ASPM: variants seen among roughly 807,000 people sequenced by gnomAD.
The protein encoded by ASPM is abnormal spindle-like microcephaly-associated protein.
A neutral mutation model predicts 366.4 loss-of-function variants in ASPM; 256 were observed. The ratio of observed to expected loss-of-function variants is 0.70; its 90% CI spans 0.63 to 0.77. The LOEUF is 0.77. Among genes scored for constraint, ASPM ranks in the 30% least tolerant of loss-of-function variants. ASPM has a pLI of 0.00. For missense variants in ASPM, 4,146 were observed against 4,090.4 expected (o/e 1.01, Z -0.37); for synonymous variants, 1,414 against 1,342.9 (o/e 1.05, Z -1.16).
intron 27 of ASPM, among the ~76,000 whole-genome samples, chr1:197,085,782 G>A (rs953227103): frequency 3.3e-5 from 5 of 152,076 alleles, no homozygotes; most frequent in African/African-American, 1.2e-4. Flanking sequence ...GGGGCATAAG[G>A]AAACTTTGTG....
rs1237556437 is a variant in ASPM at position 197,102,775 on chromosome 1, T to C, written c.6476A>G (p.Gln2159Arg). 6.2e-7 allele frequency: 1 copy of C among 1,612,474 alleles called. No individual in the cohort carries two copies. The highest frequency in any genetic ancestry group is 8.5e-7 in the Non-Finnish European group (1 of 1,179,234). ...RCRAYYQGKMQREKYLTILKA... is the reference protein window; with the variant it reads ...RCRAYYQGKMRREKYLTILKA... ...CAAAATTGTCAGGTACTTTTCACGC[T>C]GCATTTTACCTTGATAATATGCTCT... Residue 2159 changes from glutamine (Q) to arginine (R), a missense_variant, in exon 18 of 28, where the codon CAG (glutamine) becomes CGG (arginine). Gln to Arg is a conservative substitution (Grantham distance 43). This residue lies in a region of ASPM where 3,624 missense variants were observed against 3,591.7 expected (regional missense o/e 1.01). Transcript: ENST00000367409.
intron 19 of ASPM, among the ~76,000 whole-genome samples, chr1:197,095,595 G>T (rs1259309901): frequency 6.6e-6 from 1 of 151,582 alleles, no homozygotes; most frequent in Non-Finnish European, 1.5e-5. Context: ...ATAATACAAA[G>T]TTCAAAGAAA....
intron 2 of ASPM, 57 bp from the exon 3 acceptor site, chr1:197,143,867 G>T: frequency 6.4e-7 from 1 of 1,554,768 alleles, no homozygotes; most frequent in Non-Finnish European, 8.8e-7. Context: ...TATTAAATAA[G>T]CAATATTACT....
chr1:197,141,268 A>C lies in ASPM; in HGVS notation c.1921+1063T>G, dbSNP rs182148208. 5.3e-5 allele frequency among the ~76,000 whole-genome samples: 8 copies of C among 152,306 alleles called. No individual in the cohort carries two copies. The East Asian group carries it at 1.5e-3, about 29-fold the overall frequency. ...TTTCGGTGTTTATGAATAAAATTTT[A>C]CTGAAACACAGCCATACTCCTTGAT... On this transcript the variant is annotated intron_variant, in intron 3 of 27. Transcript: ENST00000367409.
Position 197,090,905 on chromosome 1 carries a change from T to C in ASPM, c.9581A>G (p.His3194Arg), listed in dbSNP as rs1656760695. Residue 3194 changes from histidine (H) to arginine (R), a missense_variant, in exon 23 of 28, where the codon CAT (histidine) becomes CGT (arginine). By Grantham distance (29) the His-to-Arg change is conservative (BLOSUM62 0). Around this residue, in one of 3 missense-constraint regions of ASPM, gnomAD observed 3,624 missense variants for 3,591.7 expected, o/e 1.01. Coordinates refer to ENST00000367409, the MANE Select transcript of ASPM (RefSeq NM_018136.5). ...TTCCTGCTTTTTACGGAGGAGAAAA[T>C]GGCGCACTGCTTTCTGTATTACTGA... is the stretch of plus-strand genomic sequence containing the variant. ...AASVIQKAVR[H>R]FLLRKKQEKF... 1 of 1,613,384 alleles carries C rather than the reference T, an allele frequency of 6.2e-7. No individual in the cohort carries two copies. Among genetic ancestry groups the C allele is most frequent in the South Asian group, 1.1e-5 (1 of 91,062 alleles).
chr1:197,128,391 C>A, intron 10 of ASPM, 99 bp downstream of exon 10: 28 of 1,076,724 alleles, frequency 2.6e-5, no homozygotes, highest in East Asian at 9.1e-5. Flanking sequence ...ATTTATTGTA[C>A]TACTTGAAAG....
At chr1:197,093,910 T>C (rs1340767802) in intron 20 of ASPM, among the ~76,000 whole-genome samples, 174 bp downstream of exon 20, 1 of 151,850 alleles carries the variant, frequency 6.6e-6, no homozygotes, top group Non-Finnish European at 1.5e-5. Flanking sequence ...TATGGGAGAA[T>C]ATAATTTTTA....
At chr1:197,131,399 A>T (rs1658249041) in intron 7 of ASPM, among the ~76,000 whole-genome samples, 1 of 152,208 alleles carries the variant, frequency 6.6e-6, no homozygotes, top group African/African-American at 2.4e-5. Flanking sequence ...CCAATTACTA[A>T]TAGTATCTTT....
intron 4 of ASPM, chr1:197,138,968 T>C (rs1310458831): frequency 4.1e-6 from 3 of 732,488 alleles, no homozygotes; most frequent in South Asian, 1.5e-5. Context: ...GCTGCATAAA[T>C]CTGTTTCAAC....
intron 10 of ASPM, among the ~76,000 whole-genome samples, chr1:197,127,270 A>C (rs951900771): frequency 1.3e-5 from 2 of 152,206 alleles, no homozygotes; most frequent in Non-Finnish European, 2.9e-5. Context: ...TAACATGAAG[A>C]CTGCCTGCAA....
chr1:197,111,061 T>C (rs187218519), intron 17 of ASPM, among the ~76,000 whole-genome samples: 45 of 152,028 alleles, frequency 3.0e-4, no homozygotes, highest in Non-Finnish European at 6.2e-4. Flanking sequence ...CCAAAAGCAA[T>C]TGCAACAAAA....
In ASPM at chr1:197,124,180, T is replaced by C. The variant is rs377348290; in HGVS notation, c.3320A>G (p.Glu1107Gly). ...KKGKRDSGSF[E>G]QYSENIKLLM... is the part of the protein sequence containing the mutation. ...TAACTTTATGTTTTCACTATATTGT[T>C]CAAAGGAACCACTATCCCTTTTGCC... Residue 1107 changes from glutamate to glycine, a missense_variant, in exon 13 of 28, where the codon GAA (glutamate) becomes GGA (glycine). By Grantham distance (98) the Glu-to-Gly change is moderately conservative. Coordinates refer to ENST00000367409, the MANE Select transcript of ASPM (RefSeq NM_018136.5). The C allele has an allele frequency of 5.0e-6, 8 of 1,612,768 alleles. No homozygotes were observed. The African/African-American group carries it at 9.3e-5, about 19-fold the overall frequency.
At chr1:197,086,775 A>G in intron 27 of ASPM, 28 bp downstream of exon 27, 3 of 1,561,844 alleles carry the variant, frequency 1.9e-6, no homozygotes, top group Non-Finnish European at 1.8e-6. Flanking sequence ...CAGTGACACA[A>G]ATTTATGGAC....
rs746361184 is a variant in ASPM at position 197,090,087 on chromosome 1, G to T, written c.9830-3C>A. 1.2e-6 allele frequency: 2 copies of T among 1,610,298 alleles called. No homozygotes were observed. The highest frequency in any genetic ancestry group is 3.4e-5 in the Admixed American group (2 of 59,680). On this transcript the variant is annotated splice_region_variant and splice_polypyrimidine_tract_variant and intron_variant, in intron 24 of 27. Transcript: ENST00000367409. ...TGGAGACAATCTAGTAACTACCTCTGAAAGAAAAAAAAAACACACACACAC... is the reference window on the plus strand; with the variant it reads ...TGGAGACAATCTAGTAACTACCTCTTAAAGAAAAAAAAAACACACACACAC...
chr1:197,124,060 CA>C, intron 13 of ASPM, 49 bp downstream of exon 13: 1 of 1,488,728 alleles, frequency 6.7e-7, no homozygotes, highest in Non-Finnish European at 9.2e-7. Context: ...TGACTTTCAT[CA>C]AAATTTATTA....
intron 7 of ASPM, among the ~76,000 whole-genome samples, chr1:197,131,768 C>A (rs958825221): frequency 2.0e-5 from 3 of 151,612 alleles, no homozygotes; most frequent in Non-Finnish European, 4.4e-5. Context: ...ACCATGTTAG[C>A]CAGGATGGTC....
In ASPM at chr1:197,124,862, T is replaced by C. The variant is rs752489442; in HGVS notation, c.3168+8A>G. The C allele has an allele frequency of 9.5e-6, 15 of 1,581,926 alleles. No homozygotes were observed. The highest frequency in any genetic ancestry group is 1.3e-5 in the Non-Finnish European group (15 of 1,152,130). On this transcript the variant is annotated splice_region_variant and intron_variant, in intron 12 of 27. Coordinates refer to ENST00000367409, the MANE Select transcript of ASPM (RefSeq NM_018136.5). ...TAAAAAATACAAGATGTACCAAATG[T>C]ATAATACCTGAAAAGCAAACGCTAT...
intron 17 of ASPM, among the ~76,000 whole-genome samples, chr1:197,109,406 T>C (rs1057368148): frequency 5.9e-5 from 9 of 152,132 alleles, no homozygotes; most frequent in African/African-American, 2.2e-4. Context: ...TAAATGTTAA[T>C]ATATCCATTG....
chr1:197,119,326 A>C (rs75452000), intron 16 of ASPM, among the ~76,000 whole-genome samples: 2,157 of 152,246 alleles, frequency 0.014, 49 homozygotes, highest in African/African-American at 0.046. Flanking sequence ...TAAAAGCACA[A>C]CCCTGTTACA....
Sources: gnomAD v4.1 joint callset for allele counts (sites outside exome capture counted in the v4.1 genomes callset) on GRCh38, gnomAD v4.1.1 for gene constraint, gnomAD v4.1.1 regional missense constraint, MANE v1.5 for transcripts, NCBI Gene and HGNC (gene_info 2026-07-23, HGNC 2026-07-21) for gene names.